Variants in CSNK1G1 observed in about 807,000 individuals in gnomAD.
The protein encoded by CSNK1G1 is casein kinase 1 gamma 1.
A neutral mutation model predicts 59.6 loss-of-function variants in CSNK1G1; 22 were observed. The ratio of observed to expected loss-of-function variants is 0.37; its 90% CI spans 0.26 to 0.53. The LOEUF is 0.53. Ranked by LOEUF, CSNK1G1 falls within the 20% of genes least tolerant of loss-of-function variation. CSNK1G1 has a pLI of 0.89. For synonymous variants in CSNK1G1, 179 were observed against 177.1 expected (o/e 1.01, Z -0.08); for missense variants, 384 against 519.5 (o/e 0.74, Z 2.54).
intron 1 of CSNK1G1, among the ~76,000 whole-genome samples, chr15:64,352,447 CTTTTTTTTT>C (rs1165768581): frequency 4.1e-4 from 37 of 89,430 alleles, no homozygotes; most frequent in East Asian, 3.5e-3. Flanking sequence ...TTGAATTCTT[CTTTTTTTTT>C]TTTTTTTTTT....
chr15:64,215,900 G>T (rs1434235252), intron 5 of CSNK1G1, among the ~76,000 whole-genome samples: 1 of 152,152 alleles, frequency 6.6e-6, no homozygotes, highest in Non-Finnish European at 1.5e-5. Flanking sequence ...AGTGAAGGGA[G>T]AGATAGGACA....
intron 4 of CSNK1G1, among the ~76,000 whole-genome samples, chr15:64,227,029 C>T (rs189768088): frequency 6.6e-6 from 1 of 152,308 alleles, no homozygotes; most frequent in East Asian, 1.9e-4. Context: ...CAGCACCTAG[C>T]ACTGGTCCAA....
intron 2 of CSNK1G1, among the ~76,000 whole-genome samples, chr15:64,278,789 T>C (rs1003998313): frequency 6.6e-6 from 1 of 152,092 alleles, no homozygotes; most frequent in African/African-American, 2.4e-5. Flanking sequence ...GAAGACAGAG[T>C]ATAATGAGAA....
chr15:64,259,099 C>A, intron 3 of CSNK1G1, 102 bp downstream of exon 3: 5 of 944,106 alleles, frequency 5.3e-6, no homozygotes, highest in Non-Finnish European at 7.9e-6. Context: ...AACCCCAAAC[C>A]ATTAGCAGTT....
chr15:64,268,070 C>T (rs1037703018), intron 2 of CSNK1G1, among the ~76,000 whole-genome samples: 1 of 151,896 alleles, frequency 6.6e-6, no homozygotes, highest in Non-Finnish European at 1.5e-5. Flanking sequence ...TTGACAATAG[C>T]CAAGATATGA....
chr15:64,217,123 C>T (rs2082321940), intron 4 of CSNK1G1, among the ~76,000 whole-genome samples: 1 of 152,240 alleles, frequency 6.6e-6, no homozygotes, highest in African/African-American at 2.4e-5. Context: ...TGAGCACTCT[C>T]TATGCTTACT....
At chr15:64,320,858 C>T (rs1896526329) in intron 1 of CSNK1G1, among the ~76,000 whole-genome samples, 1 of 151,942 alleles carries the variant, frequency 6.6e-6, no homozygotes, top group African/African-American at 2.4e-5. Context: ...AGTTTGTAAC[C>T]TCTGGTCTCA....
rs1300533307 is a variant in CSNK1G1 at position 64,188,152 on chromosome 15, G to A, written c.1108-7698C>T. On this transcript the variant is annotated intron_variant, in intron 10 of 11. Transcript: ENST00000303052. This position sits in a 1 kb window ranked among gnomAD's most constrained non-coding sequence, Gnocchi z 4.2. The stretch of plus-strand genomic sequence containing the variant: ...GTAGGACTAGGTTAACCAGAAATCA[G>A]TATCAGAAATCATATAGATGTTTCT... Among the ~76,000 whole-genome samples the A allele has an allele frequency of 2.0e-5, 3 of 152,100 alleles. No homozygotes were observed. The East Asian group carries it at 5.8e-4, about 29-fold the overall frequency.
rs2081637115 is a variant in CSNK1G1 at position 64,169,219 on chromosome 15, C to T, written c.*2712G>A. On this transcript the variant is annotated 3_prime_UTR_variant, in exon 12 of 12. Coordinates refer to ENST00000303052, the MANE Select transcript of CSNK1G1 (RefSeq NM_022048.5). The stretch of plus-strand genomic sequence containing the variant: ...GCCAGGATGCTCCAGGCATTCCCAC[C>T]ATTTCCCTCTGCCCTTTTTTTTTTT... The T allele has an allele frequency of 6.6e-6, 1 of 150,488 alleles. No homozygotes were observed. The highest frequency in any genetic ancestry group is 2.5e-5 in the African/African-American group (1 of 40,034). 9.3% of individuals were successfully genotyped at this position (150,488 alleles called of 1,614,324 possible).
intron 2 of CSNK1G1, among the ~76,000 whole-genome samples, chr15:64,295,914 T>C (rs1894995336): frequency 6.6e-6 from 1 of 152,218 alleles, no homozygotes; most frequent in African/African-American, 2.4e-5. Context: ...CTATTACTTT[T>C]CTTTCACTTC....
intron 4 of CSNK1G1, among the ~76,000 whole-genome samples, chr15:64,245,689 G>A (rs1891712705): frequency 6.6e-6 from 1 of 151,732 alleles, no homozygotes; most frequent in Non-Finnish European, 1.5e-5. Context: ...AGGATAGTTT[G>A]AGCCCAGGAG....
chr15:64,232,221 T>A (rs2082559650), intron 4 of CSNK1G1, among the ~76,000 whole-genome samples: 1 of 152,186 alleles, frequency 6.6e-6, no homozygotes, highest in Non-Finnish European at 1.5e-5. Flanking sequence ...ATAAATTACT[T>A]TTGTAGAAAG....
intron 1 of CSNK1G1, among the ~76,000 whole-genome samples, chr15:64,319,917 CTTTTTTTTTTTT>C (rs148166902): frequency 4.6e-5 from 3 of 65,932 alleles, no homozygotes; most frequent in Admixed American, 4.9e-4. Flanking sequence ...TAGATCAGGG[CTTTTTTTTTTTT>C]TTTTTTTTTT....
In CSNK1G1 at chr15:64,172,449, A is replaced by G. The variant is rs149316804; in HGVS notation, c.1215-464T>C. Among the ~76,000 whole-genome samples the G allele has an allele frequency of 2.9e-3, 438 of 152,310 alleles. 1 individual carries two copies. Among genetic ancestry groups the G allele is most frequent in the Non-Finnish European group, 4.3e-3 (291 of 68,030 alleles). On this transcript the variant is annotated intron_variant, in intron 11 of 11. Coordinates refer to ENST00000303052, the MANE Select transcript of CSNK1G1 (RefSeq NM_022048.5). ...TAAAATAAGGCAAACAAATCCCATG[A>G]TAAGTATGATGTCTGGAACTCTAGG...
At chr15:64,267,129 C>T (rs938996913) in intron 2 of CSNK1G1, among the ~76,000 whole-genome samples, 4 of 151,740 alleles carry the variant, frequency 2.6e-5, no homozygotes, top group African/African-American at 4.8e-5. Context: ...TGGTGGTGCA[C>T]GCCTGTAATC....
chr15:64,321,951 G>A (rs1391944543), intron 1 of CSNK1G1, among the ~76,000 whole-genome samples: 2 of 152,198 alleles, frequency 1.3e-5, no homozygotes, highest in Non-Finnish European at 2.9e-5. Flanking sequence ...TCACAAGAGT[G>A]CCTGGTAGGC....
At chr15:64,338,720 A>AAC (rs1897525615) in intron 1 of CSNK1G1, among the ~76,000 whole-genome samples, 1 of 134,530 alleles carries the variant, frequency 7.4e-6, no homozygotes, top group Non-Finnish European at 1.6e-5. Flanking sequence ...AAAAAAAAAA[A>AAC]AAAAAAAACA....
At position 64,219,226 on chromosome 15, in the gene CSNK1G1, A is replaced by C. The variant is rs528572488; in HGVS notation, c.293-2513T>G. On this transcript the variant is annotated intron_variant, in intron 4 of 11. Coordinates refer to ENST00000303052, the MANE Select transcript of CSNK1G1 (RefSeq NM_022048.5). ...GCTTTTTAAAAATATATAAAACCCA[A>C]CTAGTTGTTTCCAATGACTCCTGCT... Among the ~76,000 whole-genome samples, 4 of 152,248 alleles carry C rather than the reference A, an allele frequency of 2.6e-5. No homozygotes were observed. In the East Asian group the frequency reaches 7.7e-4, roughly 29 times the overall value.
chr15:64,201,706 A>ATGTGTGTG (rs10664838), intron 10 of CSNK1G1, among the ~76,000 whole-genome samples: 1,314 of 126,516 alleles, frequency 0.01, 7 homozygotes, highest in South Asian at 0.015. Flanking sequence ...TCCATTGGAC[A>ATGTGTGTG]TGTGTGTGTG....
Sources: allele counts gnomAD v4.1 joint callset (sites outside exome capture counted in the v4.1 genomes callset), GRCh38; gene constraint gnomAD v4.1.1; non-coding constraint Gnocchi (gnomAD v3.1); transcripts MANE v1.5; gene names NCBI Gene and HGNC (gene_info 2026-07-23, HGNC 2026-07-21).